CNTNAP2: variants seen among roughly 807,000 people sequenced by gnomAD.
CNTNAP2 encodes contactin associated protein 2.
A neutral mutation model predicts 155.2 loss-of-function variants in CNTNAP2; 98 were observed. The ratio of observed to expected loss-of-function variants is 0.63; its 90% CI spans 0.54 to 0.75. The LOEUF is 0.75. Ranked by LOEUF, CNTNAP2 falls within the 30% of genes least tolerant of loss-of-function variation. The pLI is 0.00. For synonymous variants in CNTNAP2, 651 were observed against 631.2 expected, an observed-to-expected ratio of 1.03 and a Z score of -0.47; for missense variants, 1,727 against 1,688.1, an observed-to-expected ratio of 1.02 and a Z score of -0.40.
chr7:146,256,097 A>G (rs1349881329), intron 1 of CNTNAP2, among the ~76,000 whole-genome samples: 1 of 152,204 alleles, frequency 6.6e-6, no homozygotes, highest in African/African-American at 2.4e-5. Context: ...GAAGGAATTC[A>G]TGCATGCATA....
chr7:148,342,748 C>G (rs966278371), intron 21 of CNTNAP2, among the ~76,000 whole-genome samples: 6 of 152,138 alleles, frequency 3.9e-5, no homozygotes, highest in Admixed American at 2.0e-4. Flanking sequence ...ATACTGTGAT[C>G]GATATTGTGC....
chr7:146,585,330 C>T (rs7807603), intron 1 of CNTNAP2, among the ~76,000 whole-genome samples: 65,625 of 151,444 alleles, frequency 0.43, 14,982 homozygotes, highest in South Asian at 0.55. Context: ...CCATGTTGTC[C>T]AGGAGGGTTT....
intron 1 of CNTNAP2, among the ~76,000 whole-genome samples, chr7:146,355,024 T>G (rs1267903973): frequency 6.6e-6 from 1 of 152,164 alleles, no homozygotes; most frequent in Admixed American, 6.5e-5. Context: ...CATATTCAAA[T>G]GTACAGTATA....
Position 147,647,426 on chromosome 7 carries a change from A to G in CNTNAP2, c.2098+8120A>G, listed in dbSNP as rs897835289. ...GGTAAGCAAAAAAATAAAATAAAAA[A>G]TAAAAATACTGGTACTACAATTATT... On this transcript the variant is annotated intron_variant, in intron 13 of 23. Transcript: ENST00000361727. Among the ~76,000 whole-genome samples, 7 of 152,220 alleles carry G rather than the reference A, an allele frequency of 4.6e-5. No homozygotes were observed. The East Asian group carries it at 9.6e-4, about 21-fold the overall frequency.
At chr7:146,655,234 A>G (rs1799976078) in intron 1 of CNTNAP2, among the ~76,000 whole-genome samples, 1 of 151,670 alleles carries the variant, frequency 6.6e-6, no homozygotes, top group Non-Finnish European at 1.5e-5. Flanking sequence ...CCAACATGGC[A>G]AAACCCTGTC....
At chr7:148,170,173 T>A (rs767601566) in intron 17 of CNTNAP2, among the ~76,000 whole-genome samples, 25 of 152,218 alleles carry the variant, frequency 1.6e-4, no homozygotes, top group South Asian at 1.0e-3. Context: ...GTGACCACAA[T>A]GACTATTACA....
chr7:147,967,098 G>A (rs371491134), intron 14 of CNTNAP2, among the ~76,000 whole-genome samples: 22 of 152,284 alleles, frequency 1.4e-4, no homozygotes, highest in Admixed American at 2.0e-4. Context: ...AAATGGCAAA[G>A]AGGCTACACA....
intron 3 of CNTNAP2, among the ~76,000 whole-genome samples, chr7:146,880,709 T>TG (rs1324962101): frequency 6.6e-6 from 1 of 152,192 alleles, no homozygotes; most frequent in East Asian, 1.9e-4. Flanking sequence ...TCTGCTGTGC[T>TG]GTGCTTGGTT....
intron 15 of CNTNAP2, among the ~76,000 whole-genome samples, chr7:147,980,566 T>C (rs1029449460): frequency 2.6e-5 from 4 of 152,014 alleles, no homozygotes; most frequent in Admixed American, 2.6e-4. Context: ...CGAGAATAAG[T>C]ATCCTACCTG....
At chr7:146,249,498 C>T (rs1172283665) in intron 1 of CNTNAP2, among the ~76,000 whole-genome samples, 3 of 152,158 alleles carry the variant, frequency 2.0e-5, no homozygotes, top group Non-Finnish European at 4.4e-5. Flanking sequence ...TTATCTGACT[C>T]ACTCACTTCT....
intron 18 of CNTNAP2, among the ~76,000 whole-genome samples, chr7:148,203,968 A>G (rs1483816550): frequency 1.3e-5 from 2 of 152,218 alleles, no homozygotes; most frequent in African/African-American, 2.4e-5. Context: ...GAAGAGGCAT[A>G]GTAAAGAACT....
intron 3 of CNTNAP2, among the ~76,000 whole-genome samples, chr7:146,914,614 T>C (rs934261423): frequency 5.9e-5 from 9 of 152,172 alleles, no homozygotes; most frequent in African/African-American, 2.2e-4. Flanking sequence ...GAATTGTATA[T>C]TCATGTCCTT....
At chr7:147,054,184 T>C (rs1271935034) in intron 4 of CNTNAP2, among the ~76,000 whole-genome samples, 2 of 152,300 alleles carry the variant, frequency 1.3e-5, no homozygotes, top group Middle Eastern at 3.4e-3. Context: ...CTAATGACCA[T>C]AGAAATGCTT....
chr7:147,653,259 T>C (rs531321741), intron 13 of CNTNAP2, among the ~76,000 whole-genome samples: 23 of 152,242 alleles, frequency 1.5e-4, no homozygotes, highest in Middle Eastern at 6.8e-3. Context: ...CTTCTTCTTC[T>C]TTTTTTGATC....
At chr7:147,216,125 T>C (rs1803263640) in intron 8 of CNTNAP2, among the ~76,000 whole-genome samples, 1 of 142,854 alleles carries the variant, frequency 7.0e-6, no homozygotes, top group Admixed American at 6.9e-5. Context: ...TAGTTCCCAG[T>C]CTGTGTTTTT....
At chr7:147,736,289 TTGTC>T (rs2116476386) in intron 13 of CNTNAP2, among the ~76,000 whole-genome samples, 1 of 152,226 alleles carries the variant, frequency 6.6e-6, no homozygotes, top group South Asian at 2.1e-4. Context: ...GAAGCTTAGT[TTGTC>T]TGGATGTGAA....
intron 14 of CNTNAP2, among the ~76,000 whole-genome samples, chr7:147,942,484 T>A (rs925709485): frequency 8.5e-5 from 13 of 152,202 alleles, no homozygotes; most frequent in Non-Finnish European, 1.6e-4. Context: ...TCCCACCTGA[T>A]TTTTTAATAT....
chr7:147,088,748 C>T (rs190332740), intron 4 of CNTNAP2, among the ~76,000 whole-genome samples: 3 of 152,082 alleles, frequency 2.0e-5, no homozygotes, highest in African/African-American at 7.2e-5. Context: ...AGTTCAAGAT[C>T]AGCCTGCAAC....
At chr7:147,735,371 A>G (rs1010479699) in intron 13 of CNTNAP2, among the ~76,000 whole-genome samples, 7 of 152,166 alleles carry the variant, frequency 4.6e-5, no homozygotes, top group African/African-American at 1.4e-4. Flanking sequence ...GTTTGATTGC[A>G]CTGTGGTCTG....
Sources: gnomAD v4.1 joint callset for allele counts (sites outside exome capture counted in the v4.1 genomes callset) on GRCh38, gnomAD v4.1.1 for gene constraint, MANE v1.5 for transcripts, NCBI Gene and HGNC (gene_info 2026-07-23, HGNC 2026-07-21) for gene names.